Variants in CSNK1E observed in about 807,000 individuals in gnomAD.
CSNK1E encodes casein kinase 1 epsilon.
A neutral mutation model predicts 46.1 loss-of-function variants in CSNK1E; 17 were observed. The observed-to-expected ratio is 0.37, with a 90% CI of 0.25 to 0.55. The LOEUF (loss-of-function observed/expected upper bound fraction) is 0.55. Among genes scored for constraint, CSNK1E ranks in the 20% least tolerant of loss-of-function variants. The probability of loss-of-function intolerance (pLI) is 0.82; values close to 1 mark genes in which losing one functional copy is unlikely to be tolerated. For missense variants in CSNK1E, 386 were observed against 595.4 expected, an observed-to-expected ratio of 0.65 and a Z score of 3.66; for synonymous variants, 241 against 242.6, an observed-to-expected ratio of 0.99 and a Z score of 0.06.
chr22:38,298,126 G>T lies in CSNK1E; in HGVS notation c.885+660C>A. 7.8e-7 allele frequency: 1 copy of T among 1,287,642 alleles called. No homozygotes were observed. The highest frequency in any genetic ancestry group is 1.0e-6 in the Non-Finnish European group (1 of 980,330). 79.8% of individuals were successfully genotyped at this position (1,287,642 alleles called of 1,614,324 possible). A position where few individuals can be genotyped will look rare whatever the true frequency, so the allele number is the denominator to read the frequency against. On this transcript the variant is annotated intron_variant, in intron 7 of 10. Transcript: ENST00000396832. This position sits in a 1 kb window ranked among gnomAD's most constrained non-coding sequence, Gnocchi z 4.2. ...TGGGTGAGTACGTGGGCCCAGCACA[G>T]GGACAGGGGCGGGGACAGAAAGGTC... is the stretch of plus-strand genomic sequence containing the variant.
chr22:38,298,594 C>T lies in CSNK1E; in HGVS notation c.885+192G>A. ...ACAGCGCCCTGCCTGGGCCCTGCTG[C>T]CCATGGTGGCACAAGCTGTCAGCAC... On this transcript the variant is annotated intron_variant, in intron 7 of 10. Transcript: ENST00000396832. The surrounding 1 kb of genome is among the most constrained non-coding windows in gnomAD (Gnocchi z 4.2). The T allele has an allele frequency of 3.1e-6, 2 of 646,346 alleles. No individual in the cohort carries two copies. Among genetic ancestry groups the T allele is most frequent in the South Asian group, 1.8e-5 (1 of 54,458 alleles). 40.0% of individuals were successfully genotyped at this position (646,346 alleles called of 1,614,324 possible). A position where few individuals can be genotyped will look rare whatever the true frequency, so the allele number is the denominator to read the frequency against.
At position 38,317,168 on chromosome 22, in the gene CSNK1E, G is replaced by C. The variant is rs1211553090; in HGVS notation, c.-21C>G. 6 of 151,300 alleles carry C rather than the reference G, an allele frequency of 4.0e-5. No individual in the cohort carries two copies. Among genetic ancestry groups the C allele is most frequent in the Non-Finnish European group, 7.4e-5 (5 of 67,580 alleles). The allele number at this position is 151,300 out of a possible 1,614,324, so 9.4% of individuals were successfully genotyped here. ...GGCCCCCCGATATTTACCCCGCCGG[G>C]AAGGCGCCGATGCCGGGCCACTGCT... On this transcript the variant is annotated 5_prime_UTR_variant, in exon 1 of 11. Coordinates refer to ENST00000396832, the MANE Select transcript of CSNK1E (RefSeq NM_152221.3).
In CSNK1E at chr22:38,298,487, G is replaced by A. The variant is rs142569071; in HGVS notation, c.885+299C>T. The A allele has an allele frequency of 3.2e-5, 13 of 412,112 alleles. No homozygotes were observed. Among genetic ancestry groups the A allele is most frequent in the Non-Finnish European group, 5.5e-5 (12 of 218,350 alleles). The allele number at this position is 412,112 out of a possible 1,614,324, so 25.5% of individuals were successfully genotyped here. ...GGCAGCAATCAGGGCAGCAGGGGGC[G>A]CCGCCAGCACCACCCATGCCCTGCT... On this transcript the variant is annotated intron_variant, in intron 7 of 10. Transcript: ENST00000396832. The surrounding 1 kb of genome is among the most constrained non-coding windows in gnomAD (Gnocchi z 4.2).
chr22:38,317,031 A>C (rs1602568714), intron 1 of CSNK1E, 129 bp downstream of exon 1: 1 of 146,064 alleles, frequency 6.8e-6, no homozygotes. Context: ...CCCCCCCTAC[A>C]CCCCAGCGCG....
In CSNK1E at chr22:38,298,260, G is replaced by C; in HGVS notation, c.885+526C>G. On this transcript the variant is annotated intron_variant, in intron 7 of 10. Transcript: ENST00000396832. The surrounding 1 kb of genome is among the most constrained non-coding windows in gnomAD (Gnocchi z 4.2). Reference sequence around the variant, plus strand: ...CAATTTCACAGATTCCAGAGCTCTGGGTACGGCCGGCCAATGCTGCTCCCC... The same window carrying C: ...CAATTTCACAGATTCCAGAGCTCTGCGTACGGCCGGCCAATGCTGCTCCCC... 1 of 1,270,354 alleles carries C rather than the reference G, an allele frequency of 7.9e-7. No individual in the cohort carries two copies. The highest frequency in any genetic ancestry group is 1.2e-5 in the South Asian group (1 of 80,228). 78.7% of individuals were successfully genotyped at this position (1,270,354 alleles called of 1,614,324 possible).
At chr22:38,293,137 G>C in intron 10 of CSNK1E, 118 bp downstream of exon 10, 1 of 835,418 alleles carries the variant, frequency 1.2e-6, no homozygotes, top group Non-Finnish European at 2.1e-6. Context: ...GGGGCGCCTG[G>C]TACCATCTGC....
intron 2 of CSNK1E, among the ~76,000 whole-genome samples, chr22:38,304,942 T>C (rs2145841519): frequency 6.6e-6 from 1 of 151,334 alleles, no homozygotes; most frequent in Non-Finnish European, 1.5e-5. Flanking sequence ...GCCAAGGTGG[T>C]GAAACCCTGT....
At position 38,315,360 on chromosome 22, in the gene CSNK1E, C is replaced by T. The variant is rs114103124; in HGVS notation, c.-12-1191G>A. On this transcript the variant is annotated intron_variant, in intron 1 of 10. Transcript: ENST00000396832. ...CAGGAGAGACAGGGAACCCCGGCAC[C>T]TGGCTCCCAAGGAGCTCACCAGCCC... Among the ~76,000 whole-genome samples, 595 of 152,368 alleles carry T rather than the reference C, an allele frequency of 3.9e-3. 1 individual carries two copies. The highest frequency in any genetic ancestry group is 0.014 in the African/African-American group (572 of 41,588).
chr22:38,292,645 G>A (rs1209090744), intron 10 of CSNK1E: 1 of 153,680 alleles, frequency 6.5e-6, no homozygotes, highest in Non-Finnish European at 1.4e-5. Context: ...AGAGAGCTCA[G>A]ATTATACCCT....
intron 7 of CSNK1E, chr22:38,296,869 G>A (rs2092643496): frequency 4.3e-6 from 3 of 690,196 alleles, no homozygotes; most frequent in Non-Finnish European, 7.3e-6. Context: ...CTGCCTCCTG[G>A]GTTCAAGCGA....
chr22:38,314,049 C>T (rs997620105), intron 2 of CSNK1E, 33 bp downstream of exon 2: 2 of 1,598,980 alleles, frequency 1.3e-6, no homozygotes, highest in Non-Finnish European at 1.7e-6. Context: ...TGGGCTGGCC[C>T]CAGGGGCTCC....
At chr22:38,297,406 T>C (rs2092646649) in intron 7 of CSNK1E, among the ~76,000 whole-genome samples, 1 of 152,156 alleles carries the variant, frequency 6.6e-6, no homozygotes, top group Non-Finnish European at 1.5e-5. Context: ...AACAGAGGCC[T>C]CTCCCTGAGG....
intron 2 of CSNK1E, among the ~76,000 whole-genome samples, chr22:38,313,341 G>A (rs1462589067): frequency 1.3e-5 from 2 of 152,170 alleles, no homozygotes; most frequent in African/African-American, 2.4e-5. Context: ...GCCTCCACCC[G>A]CTAATCCACA....
intron 2 of CSNK1E, among the ~76,000 whole-genome samples, chr22:38,304,537 A>G (rs934605239): frequency 6.6e-6 from 1 of 152,166 alleles, no homozygotes; most frequent in Non-Finnish European, 1.5e-5. Context: ...GGGACAGGAC[A>G]AGGATGGACA....
intron 7 of CSNK1E, chr22:38,295,475 T>C: frequency 1.3e-6 from 1 of 795,884 alleles, no homozygotes; most frequent in Non-Finnish European, 1.5e-6. Context: ...CTGGGCTGAG[T>C]TGGGGGCCTG....
Position 38,301,077 on chromosome 22 carries a change from A to G in CSNK1E, c.337-125T>C, listed in dbSNP as rs1466455367. ...AAAGGCCTGCCTTCGACCATGAAGGATAACTAAGGGGCAGGCCAGAGAAGG... is the reference window on the plus strand; with the variant it reads ...AAAGGCCTGCCTTCGACCATGAAGGGTAACTAAGGGGCAGGCCAGAGAAGG... On this transcript the variant is annotated intron_variant, in intron 4 of 10. Transcript: ENST00000396832. 5 of 764,660 alleles carry G rather than the reference A, an allele frequency of 6.5e-6. No homozygotes were observed. The African/African-American group carries it at 7.0e-5, about 11-fold the overall frequency. 47.4% of individuals were successfully genotyped at this position (764,660 alleles called of 1,614,324 possible).
chr22:38,314,303 G>A, intron 1 of CSNK1E, 134 bp from the exon 2 acceptor site: 1 of 662,182 alleles, frequency 1.5e-6, no homozygotes, highest in Middle Eastern at 3.2e-4. Flanking sequence ...CAGGTGTCAG[G>A]TGGCCCACAG....
At position 38,300,042 on chromosome 22, in the gene CSNK1E, C is replaced by G; in HGVS notation, c.589G>C (p.Glu197Gln). The G allele has an allele frequency of 6.2e-7, 1 of 1,614,050 alleles. No homozygotes were observed. Among genetic ancestry groups the G allele is most frequent in the Non-Finnish European group, 8.5e-7 (1 of 1,180,014 alleles). The change falls in exon 6 of 11, where the codon GAG becomes CAG. Residue 197 changes from glutamate (E) to glutamine (Q), a missense_variant. Physicochemically the swap from Glu to Gln is conservative, Grantham distance 29. Coordinates refer to ENST00000396832, the MANE Select transcript of CSNK1E (RefSeq NM_152221.3). This position sits in a 1 kb window ranked among gnomAD's most constrained non-coding sequence, Gnocchi z 4.4. ...GIEQSRRDDL[E>Q]SLGYVLMYFN... ...TACATGAGCACGTAGCCCAGGCTCT[C>G]CAGGTCATCTCGACGGCTTTGCTCT...
intron 10 of CSNK1E, chr22:38,292,900 C>T (rs901312062): frequency 1.3e-5 from 4 of 308,694 alleles, no homozygotes; most frequent in Non-Finnish European, 2.5e-5. Context: ...TGAGACAGGG[C>T]TAATGCCGTG....
Sources: allele counts gnomAD v4.1 joint callset (sites outside exome capture counted in the v4.1 genomes callset), GRCh38; gene constraint gnomAD v4.1.1; non-coding constraint Gnocchi (gnomAD v3.1); transcripts MANE v1.5; gene names NCBI Gene and HGNC (gene_info 2026-07-23, HGNC 2026-07-21).